Variants in CAMK2D observed in about 807,000 individuals in gnomAD.
CAMK2D encodes calcium/calmodulin-dependent protein kinase type II subunit delta.
A neutral mutation model predicts 84.0 loss-of-function variants in CAMK2D; 37 were observed. The ratio of observed to expected loss-of-function variants is 0.44; its 90% CI spans 0.34 to 0.58. CAMK2D has a LOEUF of 0.58. Ranked by LOEUF, CAMK2D falls within the 20% of genes least tolerant of loss-of-function variation. CAMK2D has a pLI of 0.02. For missense variants in CAMK2D, 448 were observed against 652.5 expected (o/e 0.69, Z 3.41); for synonymous variants, 202 against 212.5 (o/e 0.95, Z 0.43).
At chr4:113,587,566 C>T (rs949129104) in intron 4 of CAMK2D, among the ~76,000 whole-genome samples, 16 of 152,042 alleles carry the variant, frequency 1.1e-4, no homozygotes, top group African/African-American at 3.9e-4. Context: ...ATCTGAACAA[C>T]TAAAGAGAAC....
chr4:113,460,275 A>G, intron 17 of CAMK2D, 34 bp from the exon 18 acceptor site: 2 of 1,113,074 alleles, frequency 1.8e-6, no homozygotes, highest in Non-Finnish European at 1.4e-6. Context: ...CAACCAATTA[A>G]TAGGTGCTTT....
Position 113,543,861 on chromosome 4 carries a change from T to A in CAMK2D, c.414+3783A>T, listed in dbSNP as rs145321725. ...GGCTGGAATGCAGTGGGGCGATCTC[T>A]GCTCACTGCAAGCTCCGCCTCCTGG... On this transcript the variant is annotated intron_variant, in intron 6 of 20. Coordinates refer to ENST00000511664, the MANE Select transcript of CAMK2D (RefSeq NM_001321571.2). Among the ~76,000 whole-genome samples, 7 of 151,766 alleles carry A rather than the reference T, an allele frequency of 4.6e-5. No homozygotes were observed. The East Asian group carries it at 1.4e-3, about 30-fold the overall frequency.
At chr4:113,594,724 A>T (rs1435368601) in intron 4 of CAMK2D, among the ~76,000 whole-genome samples, 1 of 152,236 alleles carries the variant, frequency 6.6e-6, no homozygotes, top group Admixed American at 6.5e-5. Context: ...AAAAACTTCT[A>T]AAACTGAAGA....
At chr4:113,725,883 A>G (rs1475871673) in intron 2 of CAMK2D, among the ~76,000 whole-genome samples, 2 of 152,194 alleles carry the variant, frequency 1.3e-5, no homozygotes, top group African/African-American at 2.4e-5. Flanking sequence ...TACCATATAC[A>G]TACATATATA....
chr4:113,582,502 T>C (rs1168799242), intron 4 of CAMK2D, among the ~76,000 whole-genome samples: 1 of 152,224 alleles, frequency 6.6e-6, no homozygotes, highest in Non-Finnish European at 1.5e-5. Context: ...CATTAACTCA[T>C]ATCTAAAAAT....
chr4:113,609,909 G>A (rs72617769), intron 3 of CAMK2D, among the ~76,000 whole-genome samples: 8,518 of 152,156 alleles, frequency 0.056, 323 homozygotes, highest in East Asian at 0.15. Context: ...CAATGAGCCA[G>A]ACTTTAACTG....
At chr4:113,713,627 A>AT (rs1220939423) in intron 2 of CAMK2D, among the ~76,000 whole-genome samples, 1 of 150,608 alleles carries the variant, frequency 6.6e-6, no homozygotes, top group African/African-American at 2.4e-5. Flanking sequence ...GTCAACCTGC[A>AT]TTTTTTAACA....
chr4:113,470,531 G>A (rs924030061), intron 16 of CAMK2D, among the ~76,000 whole-genome samples: 1 of 151,944 alleles, frequency 6.6e-6, no homozygotes, highest in South Asian at 2.1e-4. Flanking sequence ...CCAGCTACTC[G>A]GGAGACTGAG....
intron 4 of CAMK2D, among the ~76,000 whole-genome samples, chr4:113,562,957 TAAAAA>T (rs568192487): frequency 1.2e-3 from 187 of 152,266 alleles, no homozygotes; most frequent in Non-Finnish European, 2.2e-3. Flanking sequence ...GCTGTGGACT[TAAAAA>T]TAAAATGCAT....
Position 113,684,845 on chromosome 4 carries a change from G to A in CAMK2D, c.161-23073C>T, listed in dbSNP as rs181337985. 3.2e-4 allele frequency among the ~76,000 whole-genome samples: 48 copies of A among 152,280 alleles called. No homozygotes were observed. In the East Asian group the frequency reaches 8.3e-3, roughly 26 times the overall value. On this transcript the variant is annotated intron_variant, in intron 2 of 20. Transcript: ENST00000511664. Reference sequence around the variant, plus strand: ...AAACTGAGCAAATCCAAGTCTTGAGGTCAGTTTCAAATAATGTGCTGCAGC... The same window carrying A: ...AAACTGAGCAAATCCAAGTCTTGAGATCAGTTTCAAATAATGTGCTGCAGC...
chr4:113,561,150 C>G (rs889556598), intron 4 of CAMK2D, among the ~76,000 whole-genome samples: 1 of 152,168 alleles, frequency 6.6e-6, no homozygotes, highest in Non-Finnish European at 1.5e-5. Context: ...ACTTTCCTCT[C>G]ATTCCTCACA....
intron 16 of CAMK2D, among the ~76,000 whole-genome samples, chr4:113,495,154 T>G (rs2154143949): frequency 6.6e-6 from 1 of 152,300 alleles, no homozygotes; most frequent in East Asian, 1.9e-4. Flanking sequence ...TTTGGCCATC[T>G]TGGCTCCTCC....
intron 11 of CAMK2D, 105 bp from the exon 12 acceptor site, chr4:113,513,475 GT>G: frequency 1.2e-6 from 1 of 801,648 alleles, no homozygotes; most frequent in Non-Finnish European, 2.2e-6. Flanking sequence ...CCTACTTTCA[GT>G]TAGGGGATTT....
Position 113,585,563 on chromosome 4 carries a change from A to G in CAMK2D, c.275+23589T>C, listed in dbSNP as rs967064345. ...TTTTAACCTTTTGAATCAGAAAGGC[A>G]TATGGTCAGAGGAAAACTCAGTTTC... On this transcript the variant is annotated intron_variant, in intron 4 of 20. Coordinates refer to ENST00000511664, the MANE Select transcript of CAMK2D (RefSeq NM_001321571.2). Among the ~76,000 whole-genome samples, 9 of 152,164 alleles carry G rather than the reference A, an allele frequency of 5.9e-5. No individual in the cohort carries two copies. In the East Asian group the frequency reaches 1.5e-3, roughly 26 times the overall value.
intron 16 of CAMK2D, among the ~76,000 whole-genome samples, chr4:113,466,408 A>G (rs2097467801): frequency 6.6e-6 from 1 of 152,220 alleles, no homozygotes; most frequent in Non-Finnish European, 1.5e-5. Flanking sequence ...TCATTCTAAT[A>G]ATATGTCTAT....
chr4:113,709,880 A>G (rs2099486502), intron 2 of CAMK2D, among the ~76,000 whole-genome samples: 1 of 148,528 alleles, frequency 6.7e-6, no homozygotes. Flanking sequence ...AGGTTTTAGA[A>G]TGGCATTTAT....
At chr4:113,675,464 T>C (rs538318485) in intron 2 of CAMK2D, among the ~76,000 whole-genome samples, 20 of 152,326 alleles carry the variant, frequency 1.3e-4, no homozygotes, top group Middle Eastern at 3.4e-3. Flanking sequence ...CAAACATGAA[T>C]GGAGGTGCAG....
intron 4 of CAMK2D, among the ~76,000 whole-genome samples, chr4:113,593,231 C>G (rs1561215673): frequency 6.6e-6 from 1 of 152,180 alleles, no homozygotes; most frequent in African/African-American, 2.4e-5. Flanking sequence ...AAAAGTCCAT[C>G]ACTCTGTAAT....
chr4:113,596,707 TTAAAA>T (rs1390910032), intron 4 of CAMK2D, among the ~76,000 whole-genome samples: 3 of 152,198 alleles, frequency 2.0e-5, no homozygotes, highest in Non-Finnish European at 4.4e-5. Flanking sequence ...AATGCCAGGC[TTAAAA>T]TATTCAGTAA....
Sources: allele counts gnomAD v4.1 joint callset (sites outside exome capture counted in the v4.1 genomes callset), GRCh38; gene constraint gnomAD v4.1.1; transcripts MANE v1.5; gene names NCBI Gene and HGNC (gene_info 2026-07-23, HGNC 2026-07-21).